SLC19A3: variants seen among roughly 807,000 people sequenced by gnomAD.
SLC19A3 encodes thiamine transporter 2.
In SLC19A3, 31 loss-of-function variants were observed where a neutral mutation model predicts 40.2. The ratio of observed to expected loss-of-function variants is 0.77; its 90% CI spans 0.58 to 1.04. The LOEUF is 1.04. SLC19A3 is among the 50% of genes least tolerant of loss of function. SLC19A3 has a pLI of 0.00. For synonymous variants in SLC19A3, 212 were observed against 227.5 expected, an observed-to-expected ratio of 0.93 and a Z score of 0.61; for missense variants, 592 against 596.7, an observed-to-expected ratio of 0.99 and a Z score of 0.08.
intron 1 of SLC19A3, chr2:227,706,193 ATTTATC>A: frequency 1.6e-6 from 1 of 611,164 alleles, no homozygotes; most frequent in Non-Finnish European, 2.4e-6. Flanking sequence ...TCTTTTTTCC[ATTTATC>A]ATTCCATTTT....
chr2:227,705,357 T>C (rs1025040554), intron 1 of SLC19A3, among the ~76,000 whole-genome samples: 2 of 151,684 alleles, frequency 1.3e-5, no homozygotes, highest in Admixed American at 6.6e-5. Context: ...TCTCAACACT[T>C]TGGGAGGCCA....
intron 1 of SLC19A3, among the ~76,000 whole-genome samples, chr2:227,715,077 C>T (rs183876033): frequency 1.2e-4 from 19 of 152,240 alleles, no homozygotes; most frequent in Non-Finnish European, 2.5e-4. Flanking sequence ...GCCTCAGCCA[C>T]TCAAAGTGCT....
chr2:227,706,515 A>T, intron 1 of SLC19A3: 2 of 1,195,004 alleles, frequency 1.7e-6, no homozygotes, highest in African/African-American at 3.2e-5. Context: ...TCATGCTTGT[A>T]ATCCCAGCGC....
rs116280770 is a variant in SLC19A3 at position 227,689,394 on chromosome 2, G to C, written c.1173-1087C>G. On this transcript the variant is annotated intron_variant, in intron 4 of 5. Coordinates refer to ENST00000644224, the MANE Select transcript of SLC19A3 (RefSeq NM_025243.4). ...GAAAGGAAATAAATAACATACAAGA[G>C]AGCTCCAATGTCTGGCAGCAGTCTT... Among the ~76,000 whole-genome samples, 1,140 of 152,244 alleles carry C rather than the reference G, an allele frequency of 7.5e-3. 16 individuals carry two copies. Among genetic ancestry groups the C allele is most frequent in the African/African-American group, 0.026 (1,076 of 41,552 alleles).
intron 2 of SLC19A3, 23 bp from the exon 3 acceptor site, chr2:227,699,587 G>T: frequency 1.3e-6 from 2 of 1,596,148 alleles, no homozygotes; most frequent in South Asian, 1.1e-5. Context: ...TAAATTGCAT[G>T]ACCACGAAGC....
intron 4 of SLC19A3, among the ~76,000 whole-genome samples, chr2:227,690,706 CAAAAAAAAA>C (rs34163746): frequency 7.7e-5 from 3 of 39,146 alleles, no homozygotes; most frequent in African/African-American, 1.9e-4. Flanking sequence ...GACTCCATCT[CAAAAAAAAA>C]AAAAAAAAAA....
At chr2:227,696,190 A>G (rs895238032) in intron 3 of SLC19A3, 109 bp from the exon 4 acceptor site, 16 of 1,017,132 alleles carry the variant, frequency 1.6e-5, no homozygotes, top group South Asian at 2.8e-5. Flanking sequence ...AGATAAATAT[A>G]TTGCTTTCAC....
intron 3 of SLC19A3, among the ~76,000 whole-genome samples, chr2:227,696,786 C>G (rs1454010657): frequency 6.6e-6 from 1 of 152,244 alleles, no homozygotes; most frequent in Admixed American, 6.5e-5. Context: ...GTATTTAGGG[C>G]TGGGGACAGT....
In SLC19A3 at chr2:227,702,102, T is replaced by C. The variant is rs1695718877; in HGVS notation, c.150+67A>G. The C allele has an allele frequency of 2.3e-6, 3 of 1,291,598 alleles. No homozygotes were observed. In the South Asian group the frequency reaches 3.6e-5, roughly 15 times the overall value. The allele number at this position is 1,291,598 out of a possible 1,614,324, so 80.0% of individuals were successfully genotyped here. On this transcript the variant is annotated intron_variant, in intron 2 of 5. Coordinates refer to ENST00000644224, the MANE Select transcript of SLC19A3 (RefSeq NM_025243.4). ...TCTTATATCAAGTTGAGGGAAGCCC[T>C]GTATCCTTGTTCAAGTCCCATAAAA... is the stretch of plus-strand genomic sequence containing the variant.
chr2:227,699,703 A>C, intron 2 of SLC19A3, 139 bp from the exon 3 acceptor site: 1 of 797,460 alleles, frequency 1.3e-6, no homozygotes, highest in East Asian at 2.6e-5. Context: ...ATTTTCAAGG[A>C]AATCACAAGA....
intron 1 of SLC19A3, among the ~76,000 whole-genome samples, chr2:227,705,436 TAAA>T (rs34060996): frequency 0.14 from 20,116 of 140,900 alleles, 1,497 homozygotes; most frequent in Middle Eastern, 0.21. Flanking sequence ...CCCTATCTCT[TAAA>T]AAAAAAAAAA....
At position 227,702,284 on chromosome 2, in the gene SLC19A3, C is replaced by T; in HGVS notation, c.35G>A (p.Trp12Ter). Residue 12 changes from tryptophan (W) to a stop codon, truncating the protein, a stop_gained, in exon 2 of 6, where the codon TGG becomes TAG. Coordinates refer to ENST00000644224, the MANE Select transcript of SLC19A3 (RefSeq NM_025243.4). LOFTEE classifies it high-confidence loss of function. Reference protein sequence around the residue: ...DCYRTSLSSSWIYPTVILCLF... With the variant: ...DCYRTSLSSS ...GCAGAGGATCACAGTGGGGTAAATC[C>T]AGGAACTGCTTAGTGAAGTTCTGTA... 1 of 1,614,066 alleles carries T rather than the reference C, an allele frequency of 6.2e-7. No individual in the cohort carries two copies.
In SLC19A3 at chr2:227,717,998, C is replaced by T. The variant is rs570230855; in HGVS notation, c.-58G>A. 119 of 985,192 alleles carry T rather than the reference C, an allele frequency of 1.2e-4. No homozygotes were observed. In the African/African-American group the frequency reaches 2.0e-3, roughly 17 times the overall value. The allele number at this position is 985,192 out of a possible 1,614,324, so 61.0% of individuals were successfully genotyped here. A position where few individuals can be genotyped will look rare whatever the true frequency, so the allele number is the denominator to read the frequency against. On this transcript the variant is annotated 5_prime_UTR_variant, in exon 1 of 6. Transcript: ENST00000644224. ...GCTCACTTGCCGCACGACCACGCAC[C>T]CGCGGCTGTCGGATGGATCCAGGCG...
intron 4 of SLC19A3, among the ~76,000 whole-genome samples, chr2:227,692,647 C>A (rs1695276637): frequency 6.6e-6 from 1 of 152,304 alleles, no homozygotes; most frequent in South Asian, 2.1e-4. Flanking sequence ...TGGAACACGA[C>A]AAGGATGCCT....
At chr2:227,710,709 G>T (rs116013680) in intron 1 of SLC19A3, among the ~76,000 whole-genome samples, 1 of 151,972 alleles carries the variant, frequency 6.6e-6, no homozygotes, top group Non-Finnish European at 1.5e-5. Context: ...GCATAAACAC[G>T]TTATCAAAGA....
chr2:227,716,993 CTTTTTTTT>C (rs61164911), intron 1 of SLC19A3, among the ~76,000 whole-genome samples: 2 of 67,184 alleles, frequency 3.0e-5, no homozygotes, highest in African/African-American at 1.2e-4. Flanking sequence ...CATGAGAGTG[CTTTTTTTT>C]TTTTTTTTTT....
chr2:227,698,595 G>C lies in SLC19A3; in HGVS notation c.979+141C>G, dbSNP rs1042375884. The C allele has an allele frequency of 3.7e-6, 3 of 805,140 alleles. No homozygotes were observed. The African/African-American group carries it at 5.1e-5, about 14-fold the overall frequency. The allele number at this position is 805,140 out of a possible 1,614,324, so 49.9% of individuals were successfully genotyped here. On this transcript the variant is annotated intron_variant, in intron 3 of 5. Coordinates refer to ENST00000644224, the MANE Select transcript of SLC19A3 (RefSeq NM_025243.4). Reference sequence around the variant, plus strand: ...ATTACAGGCATAAGCCACCATGCCCGGCCGTGACTTTCATTCTTGACTGAA... The same window carrying C: ...ATTACAGGCATAAGCCACCATGCCCCGCCGTGACTTTCATTCTTGACTGAA...
intron 1 of SLC19A3, among the ~76,000 whole-genome samples, chr2:227,708,505 G>T (rs1232370083): frequency 1.3e-5 from 2 of 151,992 alleles, no homozygotes; most frequent in South Asian, 4.1e-4. Context: ...AGGCTGAGGC[G>T]GGAGGATTGC....
intron 3 of SLC19A3, 142 bp from the exon 4 acceptor site, chr2:227,696,223 T>C: frequency 1.3e-6 from 1 of 769,654 alleles, no homozygotes; most frequent in Non-Finnish European, 2.2e-6. Context: ...TCGACCTGAA[T>C]GTGGATCTAT....
Sources: gnomAD v4.1 joint callset for allele counts (sites outside exome capture counted in the v4.1 genomes callset) on GRCh38, gnomAD v4.1.1 for gene constraint, MANE v1.5 for transcripts, NCBI Gene and HGNC (gene_info 2026-07-23, HGNC 2026-07-21) for gene names.